Variants in MFRP observed in about 807,000 individuals in gnomAD.
MFRP encodes membrane frizzled-related protein, also known as C1q and TNF related 5.
Under a neutral mutation model 65.8 loss-of-function variants are expected in MFRP, and 74 were observed. The ratio of observed to expected loss-of-function variants is 1.12; its 90% CI spans 0.93 to 1.36. The LOEUF (loss-of-function observed/expected upper bound fraction) is 1.36. MFRP is among the 40% of genes most tolerant of loss of function. MFRP has a pLI of 0.00. For missense variants in MFRP, 838 were observed against 736.0 expected (o/e 1.14, Z -1.60); for synonymous variants, 336 against 288.3 (o/e 1.17, Z -1.68).
In MFRP at chr11:119,344,756, C is replaced by G; in HGVS notation, c.774G>C (p.Gly258=). 1.2e-6 allele frequency: 2 copies of G among 1,613,942 alleles called. No individual in the cohort carries two copies. The highest frequency in any genetic ancestry group is 1.7e-6 in the Non-Finnish European group (2 of 1,180,014). ...AWYQAMAPGR[G]SCAHDEFRCD... is the part of the protein sequence containing the mutation. ...AGCGGAACTCATCATGGGCACAGCTCCCTGGATGTGGGCACCAGGAGTCAG... is the reference window on the plus strand; with the variant it reads ...AGCGGAACTCATCATGGGCACAGCTGCCTGGATGTGGGCACCAGGAGTCAG... The change falls in exon 7 of 15, where the codon GGG becomes GGC. Residue 258 remains glycine, a splice_region_variant and synonymous_variant. Coordinates refer to ENST00000619721, the MANE Select transcript of MFRP (RefSeq NM_031433.4).
Position 119,344,057 on chromosome 11 carries a change from G to T in MFRP, c.976-93C>A, listed in dbSNP as rs1950531914. 4.6e-6 allele frequency: 7 copies of T among 1,532,938 alleles called. No homozygotes were observed. The Admixed American group carries it at 6.8e-5, about 15-fold the overall frequency. 95.0% of individuals were successfully genotyped at this position (1,532,938 alleles called of 1,614,324 possible). Reference sequence around the variant, plus strand: ...GTCTTCTTCCCCCACTGCTGGCTGGGGGGATGGGGTGGTGCTTTCATCATT... The same window carrying T: ...GTCTTCTTCCCCCACTGCTGGCTGGTGGGATGGGGTGGTGCTTTCATCATT... On this transcript the variant is annotated intron_variant, in intron 8 of 14. Coordinates refer to ENST00000619721, the MANE Select transcript of MFRP (RefSeq NM_031433.4).
At position 119,343,818 on chromosome 11, in the gene MFRP, G is replaced by A; in HGVS notation, c.1122C>T (p.Gly374=). 1 of 1,613,864 alleles carries A rather than the reference G, an allele frequency of 6.2e-7. No homozygotes were observed. The highest frequency in any genetic ancestry group is 8.5e-7 in the Non-Finnish European group (1 of 1,179,996). The part of the protein sequence containing the change: ...TSSSGAFSLL[G]RFCGAEPPPH... Reference sequence around the variant, plus strand: ...TGGCTCTTCCCTGGCTCCTGTACCTGCCCAGGAGGCTGAAGGCCCCTGAGC... The same window carrying A: ...TGGCTCTTCCCTGGCTCCTGTACCTACCCAGGAGGCTGAAGGCCCCTGAGC... Residue 374 remains glycine (G), a splice_region_variant and synonymous_variant, in exon 9 of 15, where the codon GGC becomes GGT. Coordinates refer to ENST00000619721, the MANE Select transcript of MFRP (RefSeq NM_031433.4).
chr11:119,346,330 G>T lies in MFRP; in HGVS notation c.99C>A (p.Pro33=). The part of the protein sequence containing the change: ...NPAFEPESGP[P]CPPPVFPEDA... Reference sequence around the variant, plus strand: ...CCTCTGGGAAAACTGGGGGAGGGCAGGGTGGCCCAGACTCAGGCTCGAAGG... The same window carrying T: ...CCTCTGGGAAAACTGGGGGAGGGCATGGTGGCCCAGACTCAGGCTCGAAGG... Residue 33 remains proline, a synonymous_variant, in exon 2 of 15, where the codon CCC becomes CCA. Coordinates refer to ENST00000619721, the MANE Select transcript of MFRP (RefSeq NM_031433.4). 6.2e-7 allele frequency: 1 copy of T among 1,614,060 alleles called. No homozygotes were observed. Among genetic ancestry groups the T allele is most frequent in the Non-Finnish European group, 8.5e-7 (1 of 1,179,998 alleles).
At position 119,344,694 on chromosome 11, in the gene MFRP, C is replaced by T. The variant is rs757209660; in HGVS notation, c.836G>A (p.Cys279Tyr). The T allele has an allele frequency of 3.7e-6, 6 of 1,613,968 alleles. No individual in the cohort carries two copies. In the East Asian group the frequency reaches 6.7e-5, roughly 18 times the overall value. The change falls in exon 7 of 15, where the codon TGT becomes TAT. Residue 279 changes from cysteine to tyrosine, a missense_variant. Physicochemically the swap from Cys to Tyr is radical, Grantham distance 194 (BLOSUM62 -2). Transcript: ENST00000619721. ...QLICLLPDSVCDGFANCADGS... is the reference protein window; with the variant it reads ...QLICLLPDSVYDGFANCADGS... ...GTCAGCACAGTTGGCAAAACCATCA[C>T]ACACTGAGTCAGGTAGCAGGCAGAT...
intron 11 of MFRP, 56 bp downstream of exon 11, chr11:119,342,540 G>A: frequency 6.2e-7 from 1 of 1,604,864 alleles, no homozygotes; most frequent in Non-Finnish European, 8.5e-7. Context: ...ACGGCAGTAG[G>A]GTTCTGTGAG....
Position 119,342,941 on chromosome 11 carries a change from AACAGC to A in MFRP, c.1182_1186del (p.Leu395Ter). The A allele has an allele frequency of 6.2e-7, 1 of 1,612,556 alleles. No individual in the cohort carries two copies. The highest frequency in any genetic ancestry group is 8.5e-7 in the Non-Finnish European group (1 of 1,179,760). ...ACTGCTGATGCCATGATCTGTCCTA[AACAGC>A]ACAGCCAGCTCATGGTGCGAGGAGA... On this transcript the variant is annotated frameshift_variant, in exon 10 of 15. Transcript: ENST00000619721. LOFTEE classifies it high-confidence loss of function.
rs928083510 is a variant in MFRP, at chr11:119,339,949, G to C, written c.*1111-101C>G. The C allele has an allele frequency of 7.3e-7, 1 of 1,378,058 alleles. No homozygotes were observed. The highest frequency in any genetic ancestry group is 1.5e-5 in the African/African-American group (1 of 65,894). 85.4% of individuals were successfully genotyped at this position (1,378,058 alleles called of 1,614,324 possible). On this transcript the variant is annotated intron_variant, in intron 14 of 14. Transcript: ENST00000619721. This position sits in a 1 kb window ranked among gnomAD's most constrained non-coding sequence, Gnocchi z 5.4. ...CGTACCCCTCCCCGCCCCTGCCTGA[G>C]CTTCGGCCAGCGCCTCCTCCCGCAC...
intron 4 of MFRP, 28 bp from the exon 5 acceptor site, chr11:119,345,661 G>A (rs753849316): frequency 1.2e-6 from 2 of 1,612,832 alleles, no homozygotes; most frequent in South Asian, 1.1e-5. Flanking sequence ...AGAGTTCAGA[G>A]GTCAAAAGGA....
chr11:119,339,245 G>A lies in MFRP; in HGVS notation c.*1714C>T, dbSNP rs1270240523. The A allele has an allele frequency of 3.4e-6, 5 of 1,468,718 alleles. No homozygotes were observed. The East Asian group carries it at 1.1e-4, about 34-fold the overall frequency. 91.0% of individuals were successfully genotyped at this position (1,468,718 alleles called of 1,614,324 possible). On this transcript the variant is annotated 3_prime_UTR_variant, in exon 15 of 15. Coordinates refer to ENST00000619721, the MANE Select transcript of MFRP (RefSeq NM_031433.4). The surrounding 1 kb of genome is among the most constrained non-coding windows in gnomAD (Gnocchi z 5.4). ...TCCCTAGTCATTCACAATATTCCAG[G>A]GGGGCCAGCCCTCCTGGATGACCTG... is the stretch of plus-strand genomic sequence containing the variant.
At chr11:119,342,782 C>T (rs1208386917) in intron 10 of MFRP, 55 bp from the exon 11 acceptor site, 2 of 1,612,986 alleles carry the variant, frequency 1.2e-6, no homozygotes, top group African/African-American at 1.3e-5. Context: ...CCCCCAGTAC[C>T]CCCAGAGTGT....
chr11:119,344,871 C>T lies in MFRP; in HGVS notation c.772+3G>A. 1 of 1,613,276 alleles carries T rather than the reference C, an allele frequency of 6.2e-7. No individual in the cohort carries two copies. Among genetic ancestry groups the T allele is most frequent in the Non-Finnish European group, 8.5e-7 (1 of 1,179,976 alleles). On this transcript the variant is annotated splice_donor_region_variant and intron_variant, in intron 6 of 14. Coordinates refer to ENST00000619721, the MANE Select transcript of MFRP (RefSeq NM_031433.4). ...CTCAACAGGCAGGTGGGAACACACTCACCGCGCCCAGGGGCCATAGCCTGG... is the reference window on the plus strand; with the variant it reads ...CTCAACAGGCAGGTGGGAACACACTTACCGCGCCCAGGGGCCATAGCCTGG...
chr11:119,339,909 C>A lies in MFRP; in HGVS notation c.*1111-61G>T. 4.2e-6 allele frequency: 6 copies of A among 1,427,998 alleles called. No individual in the cohort carries two copies. Among genetic ancestry groups the A allele is most frequent in the African/African-American group, 1.5e-5 (1 of 68,308 alleles). 88.5% of individuals were successfully genotyped at this position (1,427,998 alleles called of 1,614,324 possible). A position where few individuals can be genotyped will look rare whatever the true frequency, so the allele number is the denominator to read the frequency against. ...GGCGGCTCAGCCCGCAGCGGGGCGG[C>A]GACTCTAAGGTCACCGTACCCCTCC... On this transcript the variant is annotated intron_variant, in intron 14 of 14. Coordinates refer to ENST00000619721, the MANE Select transcript of MFRP (RefSeq NM_031433.4). This position sits in a 1 kb window ranked among gnomAD's most constrained non-coding sequence, Gnocchi z 5.4.
In MFRP at chr11:119,341,893, G is replaced by A; in HGVS notation, c.1479C>T (p.Thr493=). Residue 493 remains threonine, a synonymous_variant, in exon 12 of 15, where the codon ACC becomes ACT. Transcript: ENST00000619721. ...TGAGGACCTCTACCACCTCCTCCTG[G>A]GTGATCATGCCCACCCAGATGTTAG... ...AFPNIWVGMI[T]QEEVVEVLSG... is the part of the protein sequence containing the mutation. The A allele has an allele frequency of 6.2e-7, 1 of 1,614,076 alleles. No homozygotes were observed. The highest frequency in any genetic ancestry group is 8.5e-7 in the Non-Finnish European group (1 of 1,180,028).
At position 119,341,718 on chromosome 11, in the gene MFRP, G is replaced by C. The variant is rs748952746; in HGVS notation, c.1570C>G (p.Leu524Val). 2 of 1,613,260 alleles carry C rather than the reference G, an allele frequency of 1.2e-6. No homozygotes were observed. Among genetic ancestry groups the C allele is most frequent in the Admixed American group, 1.7e-5 (1 of 60,020 alleles). Reference sequence around the variant, plus strand: ...CCTAGTGGGGTGCAACGGGGCACAAGCAGCCCACACAGGAGCCTCCGGAAA... The same window carrying C: ...CCTAGTGGGGTGCAACGGGGCACAACCAGCCCACACAGGAGCCTCCGGAAA... ...QHFRRLLCGLLVPRCTPLGSV... is the reference protein window; with the variant it reads ...QHFRRLLCGLVVPRCTPLGSV... Residue 524 changes from leucine to valine, a missense_variant, in exon 13 of 15, where the codon CTT becomes GTT. Physicochemically the swap from Leu to Val is conservative, Grantham distance 32 (BLOSUM62 1). Coordinates refer to ENST00000619721, the MANE Select transcript of MFRP (RefSeq NM_031433.4).
rs372960644 is a variant in MFRP, at chr11:119,344,334, T to G, written c.956A>C (p.Gln319Pro). Residue 319 changes from glutamine (Q) to proline (P), a missense_variant, in exon 8 of 15, where the codon CAG becomes CCG. Gln to Pro is a moderately conservative substitution (Grantham distance 76). Coordinates refer to ENST00000619721, the MANE Select transcript of MFRP (RefSeq NM_031433.4). ...GCTTACCAGTTGGTGAGGGTACTGCTGCAGGTAGCTGGGAGTAGAGAAAGT... is the reference window on the plus strand; with the variant it reads ...GCTTACCAGTTGGTGAGGGTACTGCGGCAGGTAGCTGGGAGTAGAGAAAGT... ...QGTFSTPSYL[Q>P]QYPHQLLCTW... 8 of 1,613,928 alleles carry G rather than the reference T, an allele frequency of 5.0e-6. No homozygotes were observed. The Admixed American group carries it at 1.2e-4, about 24-fold the overall frequency.
intron 5 of MFRP, 105 bp downstream of exon 5, chr11:119,345,315 C>A: frequency 8.2e-7 from 1 of 1,212,844 alleles, no homozygotes; most frequent in Admixed American, 1.9e-5. Context: ...GGTCTAGTCT[C>A]TCAATTTCTT....
At chr11:119,344,522 A>T in intron 7 of MFRP, 110 bp downstream of exon 7, 1 of 1,593,154 alleles carries the variant, frequency 6.3e-7, no homozygotes, top group Middle Eastern at 1.8e-4. Context: ...AGAATGACTG[A>T]GCAGGAAATG....
At position 119,344,928 on chromosome 11, in the gene MFRP, T is replaced by C. The variant is rs1295144314; in HGVS notation, c.718A>G (p.Ser240Gly). The C allele has an allele frequency of 6.2e-7, 1 of 1,611,676 alleles. No homozygotes were observed. The highest frequency in any genetic ancestry group is 8.5e-7 in the Non-Finnish European group (1 of 1,179,378). The stretch of plus-strand genomic sequence containing the variant: ...GCATGGAAACCAAATCCTTCCACAC[T>C]GCTGTCAGAGACGAAGACCACCAGG... ...HLLVVFVSDS[S>G]VEGFGFHAWY... is the part of the protein sequence containing the mutation. Residue 240 changes from serine to glycine, a missense_variant, in exon 6 of 15, where the codon AGT (serine) becomes GGT (glycine). Coordinates refer to ENST00000619721, the MANE Select transcript of MFRP (RefSeq NM_031433.4).
Position 119,346,701 on chromosome 11 carries a change from T to C in MFRP, c.-188A>G. The C allele has an allele frequency of 1.5e-6, 1 of 655,848 alleles. No individual in the cohort carries two copies. Among genetic ancestry groups the C allele is most frequent in the Non-Finnish European group, 2.8e-6 (1 of 363,436 alleles). 40.6% of individuals were successfully genotyped at this position (655,848 alleles called of 1,614,324 possible). A position where few individuals can be genotyped will look rare whatever the true frequency, so the allele number is the denominator to read the frequency against. On this transcript the variant is annotated 5_prime_UTR_variant, in exon 1 of 15. Coordinates refer to ENST00000619721, the MANE Select transcript of MFRP (RefSeq NM_031433.4). ...TTTGGCCTATGGGCTACTCTGTCTC[T>C]GTGTGGGGGAAGGGATGGCAGCCAG...
Sources: gnomAD v4.1 joint callset for allele counts on GRCh38, gnomAD v4.1.1 for gene constraint, Gnocchi (gnomAD v3.1) non-coding constraint, MANE v1.5 for transcripts, NCBI Gene and HGNC (gene_info 2026-07-23, HGNC 2026-07-21) for gene names.